Variants in PRRX1 observed in about 807,000 individuals in gnomAD.
The protein encoded by PRRX1 is paired related homeobox 1.
In PRRX1, 8 loss-of-function variants were observed where a neutral mutation model predicts 24.0. That is an observed-to-expected ratio of 0.33 (90% CI 0.20 to 0.60). The LOEUF (loss-of-function observed/expected upper bound fraction) is 0.60. Ranked by LOEUF, PRRX1 falls within the 20% of genes least tolerant of loss-of-function variation. The probability of loss-of-function intolerance (pLI) is 0.82; values close to 1 mark genes in which losing one functional copy is unlikely to be tolerated. For synonymous variants in PRRX1, 160 were observed against 131.7 expected, an observed-to-expected ratio of 1.22 and a Z score of -1.47; for missense variants, 281 against 322.4, an observed-to-expected ratio of 0.87 and a Z score of 0.98.
intron 1 of PRRX1, among the ~76,000 whole-genome samples, chr1:170,684,953 T>C (rs760441141): frequency 3.9e-5 from 6 of 152,324 alleles, no homozygotes; most frequent in Middle Eastern, 3.4e-3. Context: ...ATTGATTAGG[T>C]AGACCATGCA....
At chr1:170,672,793 A>G (rs577511031) in intron 1 of PRRX1, among the ~76,000 whole-genome samples, 109 of 152,272 alleles carry the variant, frequency 7.2e-4, no homozygotes, top group African/African-American at 2.5e-3. Flanking sequence ...TATTTTCCAC[A>G]CAAATTTAGT....
chr1:170,716,505 A>AC (rs1654912058), intron 1 of PRRX1, among the ~76,000 whole-genome samples: 1 of 151,146 alleles, frequency 6.6e-6, no homozygotes, highest in African/African-American at 2.4e-5. Flanking sequence ...AATGGTGTGA[A>AC]CCCAGGAGGC....
chr1:170,705,709 A>C (rs1043107680), intron 1 of PRRX1, among the ~76,000 whole-genome samples: 1 of 152,192 alleles, frequency 6.6e-6, no homozygotes, highest in African/African-American at 2.4e-5. Flanking sequence ...TAGCAGATAC[A>C]GTTAGTACTG....
At chr1:170,714,884 C>T (rs1159103596) in intron 1 of PRRX1, among the ~76,000 whole-genome samples, 1 of 152,100 alleles carries the variant, frequency 6.6e-6, no homozygotes, top group Non-Finnish European at 1.5e-5. Flanking sequence ...AGAGGGTAGC[C>T]TACCTTGGGC....
chr1:170,685,735 T>C (rs1176839155), intron 1 of PRRX1, among the ~76,000 whole-genome samples: 1 of 151,994 alleles, frequency 6.6e-6, no homozygotes, highest in Non-Finnish European at 1.5e-5. Flanking sequence ...TGGTTTGAAG[T>C]CTAATGAATA....
At chr1:170,676,681 G>A (rs935495669) in intron 1 of PRRX1, among the ~76,000 whole-genome samples, 17 of 152,074 alleles carry the variant, frequency 1.1e-4, no homozygotes, top group African/African-American at 4.1e-4. Context: ...TCATTTTACA[G>A]ATAGGAAAAC....
chr1:170,683,798 C>G (rs1653634919), intron 1 of PRRX1, among the ~76,000 whole-genome samples: 1 of 152,184 alleles, frequency 6.6e-6, no homozygotes, highest in Non-Finnish European at 1.5e-5. Flanking sequence ...ACTGAAATGT[C>G]TTCAGAAGTT....
At chr1:170,662,946 C>G (rs932309995), upstream of PRRX1, 10 of 152,288 alleles carry the variant, frequency 6.6e-5, no homozygotes, top group Middle Eastern at 3.4e-3. Context: ...TTTGTCTTTT[C>G]TCCCCGTGAT....
intron 3 of PRRX1, chr1:170,727,696 T>C (rs1016259313): frequency 1.3e-5 from 2 of 152,318 alleles, no homozygotes; most frequent in East Asian, 1.9e-4. Flanking sequence ...TAATCCCCTG[T>C]TATAAAATTA....
chr1:170,693,527 T>C (rs1654064113), intron 1 of PRRX1, among the ~76,000 whole-genome samples: 1 of 152,112 alleles, frequency 6.6e-6, no homozygotes, highest in African/African-American at 2.4e-5. Flanking sequence ...TGCTGGGCTG[T>C]GATCTTCCAC....
At position 170,717,601 on chromosome 1, in the gene PRRX1, G is replaced by A. The variant is rs183501586; in HGVS notation, c.242-2125G>A. Among the ~76,000 whole-genome samples the A allele has an allele frequency of 2.6e-3, 392 of 151,688 alleles. 2 individuals are homozygous for A. The highest frequency in any genetic ancestry group is 9.2e-3 in the African/African-American group (380 of 41,258). On this transcript the variant is annotated intron_variant, in intron 1 of 3. Coordinates refer to ENST00000239461, the MANE Select transcript of PRRX1 (RefSeq NM_022716.4). ...GTTAAAACAAAGTACAGAAGCTAAG[G>A]ATTTTTCTTTTTTTTTTTTGCAGAC... is the stretch of plus-strand genomic sequence containing the variant.
intron 1 of PRRX1, among the ~76,000 whole-genome samples, chr1:170,678,658 T>C (rs1040676547): frequency 2.0e-5 from 3 of 152,204 alleles, no homozygotes; most frequent in Admixed American, 6.5e-5. Context: ...TAACTCTGGG[T>C]CTCTGTTCTT....
At chr1:170,679,534 G>A (rs1653434129) in intron 1 of PRRX1, among the ~76,000 whole-genome samples, 1 of 152,102 alleles carries the variant, frequency 6.6e-6, no homozygotes, top group South Asian at 2.1e-4. Context: ...CTAGTAGCTG[G>A]GACTACAGGT....
upstream of PRRX1, chr1:170,663,498 T>C (rs1652798308): frequency 1.3e-5 from 2 of 151,394 alleles, no homozygotes; most frequent in Non-Finnish European, 1.5e-5. Flanking sequence ...TTTTAATTCT[T>C]AATTTTTTTT....
chr1:170,730,504 T>A, intron 3 of PRRX1: 1 of 644,006 alleles, frequency 1.6e-6, no homozygotes, highest in South Asian at 1.8e-5. Flanking sequence ...CAAGAAAGCA[T>A]GTCCACTAAA....
At chr1:170,710,350 C>T (rs958569251) in intron 1 of PRRX1, among the ~76,000 whole-genome samples, 5 of 152,172 alleles carry the variant, frequency 3.3e-5, no homozygotes, top group African/African-American at 1.2e-4. Flanking sequence ...ATCTTAGTCC[C>T]ATAGCCCAAC....
At chr1:170,708,518 C>T (rs544422925) in intron 1 of PRRX1, among the ~76,000 whole-genome samples, 55 of 152,194 alleles carry the variant, frequency 3.6e-4, no homozygotes, top group African/African-American at 1.1e-3. Flanking sequence ...ACAGAAAACA[C>T]GGTGACTGGA....
intron 1 of PRRX1, among the ~76,000 whole-genome samples, chr1:170,684,535 T>C (rs1018657525): frequency 6.6e-6 from 1 of 152,202 alleles, no homozygotes; most frequent in African/African-American, 2.4e-5. Flanking sequence ...AGTAGATCAC[T>C]AGAGGTTAGG....
At chr1:170,677,982 A>G (rs898459498) in intron 1 of PRRX1, among the ~76,000 whole-genome samples, 1 of 152,176 alleles carries the variant, frequency 6.6e-6, no homozygotes, top group Admixed American at 6.5e-5. Context: ...AAATTTCTGG[A>G]GGCCAACCAC....
Sources: allele counts gnomAD v4.1 joint callset (sites outside exome capture counted in the v4.1 genomes callset), GRCh38; gene constraint gnomAD v4.1.1; transcripts MANE v1.5; gene names NCBI Gene and HGNC (gene_info 2026-07-23, HGNC 2026-07-21).